Variants in HPSE observed in about 807,000 individuals in gnomAD.
HPSE encodes the protein endo-glucoronidase.
HPSE carries 48 observed loss-of-function variants against 65.1 expected under a neutral mutation model. The observed-to-expected ratio is 0.74, with a 90% CI of 0.58 to 0.94. The LOEUF (loss-of-function observed/expected upper bound fraction) is 0.94. Among genes scored for constraint, HPSE ranks in the 40% least tolerant of loss-of-function variants. The pLI, the probability that HPSE is intolerant of heterozygous loss-of-function variation, is 0.00. For missense variants in HPSE, 644 were observed against 637.5 expected (o/e 1.01, Z -0.11); for synonymous variants, 243 against 260.0 (o/e 0.93, Z 0.63).
In HPSE at chr4:83,326,930, C is replaced by G. The variant is rs1737179056; in HGVS notation, c.228-4566G>C. ...CACATGACGGGCATCTGTGAGTGAC[C>G]TGGGTCACAGCCTGGTCCTTAGAGG... On this transcript the variant is annotated intron_variant, in intron 1 of 11. Coordinates refer to ENST00000311412, the MANE Select transcript of HPSE (RefSeq NM_001098540.3). This position sits in a 1 kb window ranked among gnomAD's most constrained non-coding sequence, Gnocchi z 4.2. 2.6e-5 allele frequency among the ~76,000 whole-genome samples: 4 copies of G among 152,196 alleles called. No individual in the cohort carries two copies. The South Asian group carries it at 8.3e-4, about 31-fold the overall frequency.
intron 9 of HPSE, among the ~76,000 whole-genome samples, 176 bp from the exon 10 acceptor site, chr4:83,302,444 A>C (rs1735989755): frequency 6.6e-6 from 1 of 151,782 alleles, no homozygotes; most frequent in African/African-American, 2.4e-5. Flanking sequence ...ACCACCATGA[A>C]TCTGAGAGCA....
intron 4 of HPSE, among the ~76,000 whole-genome samples, chr4:83,312,121 A>C (rs1023149652): frequency 2.6e-5 from 4 of 152,288 alleles, no homozygotes; most frequent in Admixed American, 1.3e-4. Context: ...TGAATAAAAC[A>C]AACTGCTGAC....
chr4:83,295,295 C>T lies in HPSE; in HGVS notation c.*49G>A, dbSNP rs1236012051. The T allele has an allele frequency of 1.3e-6, 2 of 1,515,062 alleles. No individual in the cohort carries two copies. The highest frequency in any genetic ancestry group is 2.5e-5 in the South Asian group (2 of 80,164). The allele number at this position is 1,515,062 out of a possible 1,614,324, so 93.9% of individuals were successfully genotyped here. The stretch of plus-strand genomic sequence containing the variant: ...CTTTCCTATAACTTGAGTTGCTTTA[C>T]TCTTAGTATACTTGAAAAATTCAGT... On this transcript the variant is annotated 3_prime_UTR_variant, in exon 12 of 12. Transcript: ENST00000311412.
intron 9 of HPSE, among the ~76,000 whole-genome samples, chr4:83,304,577 C>T (rs1560505692): frequency 6.6e-6 from 1 of 152,040 alleles, no homozygotes; most frequent in Non-Finnish European, 1.5e-5. Context: ...GCTGTAATCC[C>T]AACACTGGGA....
intron 11 of HPSE, among the ~76,000 whole-genome samples, chr4:83,299,592 C>T (rs1401254022): frequency 2.6e-5 from 4 of 152,044 alleles, no homozygotes; most frequent in Non-Finnish European, 5.9e-5. Flanking sequence ...TTGGAGAAAG[C>T]GTGCTTACTG....
At chr4:83,307,468 C>T (rs544062227) in intron 8 of HPSE, among the ~76,000 whole-genome samples, 14 of 152,298 alleles carry the variant, frequency 9.2e-5, no homozygotes, top group Middle Eastern at 3.4e-3. Context: ...GATAACAAAT[C>T]CTAGAAGACT....
chr4:83,330,496 T>C (rs1190299185), intron 1 of HPSE, among the ~76,000 whole-genome samples: 6 of 152,246 alleles, frequency 3.9e-5, no homozygotes, highest in Non-Finnish European at 7.3e-5. Context: ...CTGCCATCAA[T>C]AGGCACATGG....
chr4:83,302,008 A>C (rs1735966672), intron 10 of HPSE, 142 bp downstream of exon 10: 2 of 501,524 alleles, frequency 4.0e-6, no homozygotes, highest in South Asian at 3.7e-5. Flanking sequence ...AAAATAAAAT[A>C]AAATCGTTGT....
intron 3 of HPSE, among the ~76,000 whole-genome samples, chr4:83,318,054 C>T (rs935125388): frequency 2.4e-4 from 36 of 152,198 alleles, no homozygotes; most frequent in African/African-American, 7.9e-4. Flanking sequence ...GTACCATATA[C>T]ATAAAAAATG....
chr4:83,320,917 T>G (rs1376004120), intron 2 of HPSE, among the ~76,000 whole-genome samples: 1 of 148,474 alleles, frequency 6.7e-6, no homozygotes, highest in Non-Finnish European at 1.5e-5. Context: ...AAATAGAAAC[T>G]AGGTTGGGTG....
At position 83,293,768 on chromosome 4, in the gene HPSE, T is replaced by C. The variant is rs549993723; in HGVS notation, c.*1576A>G. On this transcript the variant is annotated 3_prime_UTR_variant, in exon 12 of 12. Transcript: ENST00000311412. ...ATTAACCATTTTTTATACTATCATA[T>C]CTAACAATCTGTCCTCTCACATATT... 102 of 152,330 alleles carry C rather than the reference T, an allele frequency of 6.7e-4. No homozygotes were observed. The highest frequency in any genetic ancestry group is 2.3e-3 in the African/African-American group (96 of 41,584). The allele number at this position is 152,330 out of a possible 1,614,324, so 9.4% of individuals were successfully genotyped here.
intron 3 of HPSE, 138 bp from the exon 4 acceptor site, chr4:83,313,425 T>G: frequency 1.7e-6 from 1 of 578,592 alleles, no homozygotes; most frequent in Non-Finnish European, 2.9e-6. Flanking sequence ...ATAATTATGT[T>G]TTTGAGACAA....
intron 1 of HPSE, among the ~76,000 whole-genome samples, chr4:83,332,923 C>G (rs1252843330): frequency 6.6e-6 from 1 of 151,578 alleles, no homozygotes; most frequent in East Asian, 1.9e-4. Flanking sequence ...AGTAACCGCC[C>G]CCCCCCACCC....
At chr4:83,311,089 C>A (rs1005241383) in intron 4 of HPSE, among the ~76,000 whole-genome samples, 199 bp from the exon 5 acceptor site, 23 of 151,792 alleles carry the variant, frequency 1.5e-4, no homozygotes, top group Non-Finnish European at 3.4e-4. Context: ...CAGGAGGATC[C>A]CCTGAGGCCA....
At chr4:83,319,128 T>C (rs1578020340) in intron 3 of HPSE, among the ~76,000 whole-genome samples, 1 of 152,174 alleles carries the variant, frequency 6.6e-6, no homozygotes, top group African/African-American at 2.4e-5. Flanking sequence ...GATTTATCTT[T>C]CATTCTGTGA....
intron 1 of HPSE, among the ~76,000 whole-genome samples, chr4:83,329,998 G>A (rs1737303025): frequency 6.6e-6 from 1 of 152,160 alleles, no homozygotes. Flanking sequence ...AGCGTGTAGG[G>A]AAGCTACCCG....
chr4:83,302,405 TC>T, intron 9 of HPSE, 137 bp from the exon 10 acceptor site: 1 of 586,064 alleles, frequency 1.7e-6, no homozygotes, highest in Non-Finnish European at 3.0e-6. Flanking sequence ...ATAGGATTCA[TC>T]TTTTTTTTTT....
At chr4:83,324,846 G>C (rs1157641452) in intron 1 of HPSE, among the ~76,000 whole-genome samples, 2 of 152,144 alleles carry the variant, frequency 1.3e-5, no homozygotes, top group Non-Finnish European at 2.9e-5. Context: ...ATAGATAGTG[G>C]TGATATTTGC....
chr4:83,328,535 C>G (rs988744132), intron 1 of HPSE, among the ~76,000 whole-genome samples: 2 of 152,156 alleles, frequency 1.3e-5, no homozygotes, highest in African/African-American at 4.8e-5. Context: ...TCGGGGTAAC[C>G]TCATTCAACC....
Sources: gnomAD v4.1 joint callset for allele counts (sites outside exome capture counted in the v4.1 genomes callset) on GRCh38, gnomAD v4.1.1 for gene constraint, Gnocchi (gnomAD v3.1) non-coding constraint, MANE v1.5 for transcripts, NCBI Gene and HGNC (gene_info 2026-07-23, HGNC 2026-07-21) for gene names.